The following RASGRP3 variants were observed in gnomAD, a reference collection of about 807,000 sequenced individuals.
RASGRP3 encodes the protein RAS guanyl releasing protein 3.
A neutral mutation model predicts 82.7 loss-of-function variants in RASGRP3; 54 were observed. The observed-to-expected ratio is 0.65, with a 90% CI of 0.52 to 0.82. The LOEUF is 0.82. Ranked by LOEUF, RASGRP3 falls within the 40% of genes least tolerant of loss-of-function variation. RASGRP3 has a pLI of 0.00. For synonymous variants in RASGRP3, 309 were observed against 300.5 expected, an observed-to-expected ratio of 1.03 and a Z score of -0.29; for missense variants, 861 against 828.9, an observed-to-expected ratio of 1.04 and a Z score of -0.48.
chr2:33,538,988 G>T, intron 11 of RASGRP3, 106 bp from the exon 12 acceptor site: 2 of 765,270 alleles, frequency 2.6e-6, no homozygotes, highest in Non-Finnish European at 4.2e-6. Flanking sequence ...GTAGTGAGCC[G>T]AAATTACACC....
At chr2:33,482,000 G>C (rs1341473691) in intron 1 of RASGRP3, 1 of 151,456 alleles carries the variant, frequency 6.6e-6, no homozygotes, top group African/African-American at 2.4e-5. Flanking sequence ...CACTGTGCCT[G>C]GCTAGCTTAG....
intron 2 of RASGRP3, among the ~76,000 whole-genome samples, chr2:33,469,279 C>T (rs1024775353): frequency 6.6e-6 from 1 of 151,866 alleles, no homozygotes; most frequent in Non-Finnish European, 1.5e-5. Flanking sequence ...TTTTGATTAC[C>T]GTTGGATTAT....
At chr2:33,529,355 C>A (rs189032603) in intron 10 of RASGRP3, among the ~76,000 whole-genome samples, 1 of 151,316 alleles carries the variant, frequency 6.6e-6, no homozygotes, top group African/African-American at 2.4e-5. Flanking sequence ...ATTAGCTTGG[C>A]GTGGTGGCAG....
chr2:33,526,151 A>G (rs149557598), intron 9 of RASGRP3, among the ~76,000 whole-genome samples: 64 of 152,334 alleles, frequency 4.2e-4, no homozygotes, highest in African/African-American at 1.4e-3. Flanking sequence ...GAGTAATACA[A>G]TGTACTGATT....
At chr2:33,497,573 A>G (rs1669441136) in intron 1 of RASGRP3, among the ~76,000 whole-genome samples, 1 of 152,204 alleles carries the variant, frequency 6.6e-6, no homozygotes, top group Admixed American at 6.5e-5. Context: ...TTTTCATTCT[A>G]CAGAAGAATA....
intron 14 of RASGRP3, 39 bp from the exon 15 acceptor site, chr2:33,555,492 T>C (rs1302218930): frequency 6.4e-7 from 1 of 1,553,894 alleles, no homozygotes; most frequent in South Asian, 1.2e-5. Context: ...TCCAGATCTA[T>C]CCTCAGATTC....
Position 33,515,184 on chromosome 2 carries a change from G to A in RASGRP3, c.48G>A (p.Leu16=). ...LGKAATLDEL[L]CTCIEMFDDN... is the part of the protein sequence containing the mutation. ...AAGCAGCAACATTAGATGAACTGCTGTGCACTTGCATTGAGATGTTTGGTA... is the reference window on the plus strand; with the variant it reads ...AAGCAGCAACATTAGATGAACTGCTATGCACTTGCATTGAGATGTTTGGTA... Residue 16 remains leucine, a synonymous_variant, in exon 3 of 18, where the codon CTG becomes CTA. Transcript: ENST00000403687. The A allele has an allele frequency of 6.2e-7, 1 of 1,613,988 alleles. No homozygotes were observed. The highest frequency in any genetic ancestry group is 8.5e-7 in the Non-Finnish European group (1 of 1,179,862).
At chr2:33,457,759 G>A (rs529869112) in intron 2 of RASGRP3, among the ~76,000 whole-genome samples, 1 of 152,160 alleles carries the variant, frequency 6.6e-6, no homozygotes, top group East Asian at 1.9e-4. Context: ...ATTGGGGAAC[G>A]AGAATCCTGG....
intron 2 of RASGRP3, among the ~76,000 whole-genome samples, chr2:33,461,246 G>A (rs181247677): frequency 1.3e-5 from 2 of 152,184 alleles, no homozygotes; most frequent in East Asian, 3.9e-4. Flanking sequence ...AAATTAAAAC[G>A]TTAGGGAAAA....
chr2:33,500,829 G>C (rs1669801629), intron 1 of RASGRP3, among the ~76,000 whole-genome samples: 1 of 152,180 alleles, frequency 6.6e-6, no homozygotes, highest in Non-Finnish European at 1.5e-5. Context: ...AGCTACTCAG[G>C]TGGCTGAGGC....
chr2:33,533,903 G>T, intron 10 of RASGRP3: 1 of 175,300 alleles, frequency 5.7e-6, no homozygotes, highest in Non-Finnish European at 1.2e-5. Context: ...TTAGCACAAT[G>T]CTCTCAAATA....
intron 2 of RASGRP3, among the ~76,000 whole-genome samples, chr2:33,456,009 A>C (rs1666017238): frequency 6.6e-6 from 1 of 152,184 alleles, no homozygotes; most frequent in African/African-American, 2.4e-5. Context: ...TATGGCATGG[A>C]AACATTATTT....
At chr2:33,496,830 C>G (rs1249879507) in intron 1 of RASGRP3, among the ~76,000 whole-genome samples, 1 of 152,200 alleles carries the variant, frequency 6.6e-6, no homozygotes, top group Non-Finnish European at 1.5e-5. Flanking sequence ...TCACTCCAGC[C>G]TGGGTGACAG....
At chr2:33,460,110 C>T (rs1038059079) in intron 2 of RASGRP3, among the ~76,000 whole-genome samples, 1 of 152,210 alleles carries the variant, frequency 6.6e-6, no homozygotes, top group Non-Finnish European at 1.5e-5. Context: ...TAGTGCAACA[C>T]TGTTCATAGA....
intron 2 of RASGRP3, among the ~76,000 whole-genome samples, chr2:33,467,317 A>C (rs1439790423): frequency 6.6e-6 from 1 of 152,034 alleles, no homozygotes; most frequent in African/African-American, 2.4e-5. Flanking sequence ...CTTTCTTTTT[A>C]TTTGTTACAG....
intron 1 of RASGRP3, among the ~76,000 whole-genome samples, chr2:33,502,290 G>GT (rs1669941328): frequency 6.6e-6 from 1 of 152,090 alleles, no homozygotes. Context: ...TGCTGTTTCT[G>GT]TGTGTGGAGG....
chr2:33,542,907 G>T (rs1674405116), intron 12 of RASGRP3, among the ~76,000 whole-genome samples: 1 of 152,002 alleles, frequency 6.6e-6, no homozygotes, highest in African/African-American at 2.4e-5. Context: ...TGGTCAGGGT[G>T]GTCTTGAATT....
At chr2:33,459,490 CT>C (rs1190407051) in intron 2 of RASGRP3, among the ~76,000 whole-genome samples, 1 of 151,994 alleles carries the variant, frequency 6.6e-6, no homozygotes, top group African/African-American at 2.4e-5. Flanking sequence ...GGAAAAATAA[CT>C]GGAAATATAG....
At chr2:33,524,602 C>A in intron 9 of RASGRP3, 54 bp downstream of exon 9, 2 of 1,363,722 alleles carry the variant, frequency 1.5e-6, no homozygotes, top group South Asian at 2.6e-5. Context: ...GTAAATTGTT[C>A]AGGTTTAGTA....
Sources: gnomAD v4.1 joint callset for allele counts (sites outside exome capture counted in the v4.1 genomes callset) on GRCh38, gnomAD v4.1.1 for gene constraint, MANE v1.5 for transcripts, NCBI Gene and HGNC (gene_info 2026-07-23, HGNC 2026-07-21) for gene names.